SEMA3D: variants seen among roughly 807,000 people sequenced by gnomAD.
The protein encoded by SEMA3D is semaphorin 3D, also known as semaphorin-3D.
Under a neutral mutation model 100.1 loss-of-function variants are expected in SEMA3D, and 84 were observed. The ratio of observed to expected loss-of-function variants is 0.84; its 90% confidence interval spans 0.70 to 1.01. The LOEUF is 1.01. Among genes scored for constraint, SEMA3D ranks in the 50% least tolerant of loss-of-function variants. SEMA3D has a pLI of 0.00. For synonymous variants in SEMA3D, 312 were observed against 320.7 expected (o/e 0.97, Z 0.29); for missense variants, 875 against 934.1 (o/e 0.94, Z 0.82).
the SEMA3D span, among the ~76,000 whole-genome samples, chr7:85,233,145 G>A: frequency 1.3e-5 from 2 of 151,700 alleles, no homozygotes; most frequent in African/African-American, 4.9e-5. Context: ...TTATTTTGAG[G>A]AAATCATTTT....
intron 1 of SEMA3D, among the ~76,000 whole-genome samples, chr7:85,170,069 A>AAG (rs1003707496): frequency 1.9e-4 from 29 of 151,880 alleles, no homozygotes; most frequent in African/African-American, 6.3e-4. Context: ...GATTTAAAAA[A>AAG]AGAGAGAGCG....
intron 8 of SEMA3D, among the ~76,000 whole-genome samples, chr7:85,062,027 C>A (rs1427224581): frequency 6.6e-6 from 1 of 152,076 alleles, no homozygotes; most frequent in Non-Finnish European, 1.5e-5. Flanking sequence ...AGTGAGGCTG[C>A]AAAGAGCAGG....
At chr7:85,186,329 G>A (rs1791548148) in intron 1 of SEMA3D, among the ~76,000 whole-genome samples, 1 of 152,160 alleles carries the variant, frequency 6.6e-6, no homozygotes, top group African/African-American at 2.4e-5. Context: ...GGGGAACCAG[G>A]AAGCCAGGGA....
chr7:85,188,363 G>A (rs1453762827), upstream of SEMA3D, among the ~76,000 whole-genome samples: 6 of 152,086 alleles, frequency 3.9e-5, no homozygotes, highest in African/African-American at 1.4e-4. Flanking sequence ...TACCCTCTTT[G>A]GATAGAGAAA....
chr7:85,013,066 A>G (rs1007044236), intron 16 of SEMA3D, among the ~76,000 whole-genome samples: 1 of 151,850 alleles, frequency 6.6e-6, no homozygotes, highest in Non-Finnish European at 1.5e-5. Context: ...ATGAGATGAC[A>G]TGAATTTTAT....
At chr7:85,138,631 A>T (rs1789935923) in intron 2 of SEMA3D, among the ~76,000 whole-genome samples, 1 of 139,518 alleles carries the variant, frequency 7.2e-6, no homozygotes, top group African/African-American at 2.7e-5. Flanking sequence ...ATAATATATA[A>T]ATTAAATTAT....
At chr7:85,059,836 G>T (rs1791424216) in intron 8 of SEMA3D, among the ~76,000 whole-genome samples, 1 of 152,034 alleles carries the variant, frequency 6.6e-6, no homozygotes, top group Admixed American at 6.6e-5. Context: ...AGTGTAAAAG[G>T]GGTATAAATA....
chr7:85,029,980 G>A (rs2115904970), intron 12 of SEMA3D, among the ~76,000 whole-genome samples: 1 of 151,630 alleles, frequency 6.6e-6, no homozygotes, highest in East Asian at 2.0e-4. Context: ...CTCCACCCCT[G>A]AATAAAAAAA....
rs79448709 is a variant in SEMA3D at position 85,131,852 on chromosome 7, T to C, written c.-40-9921A>G. On this transcript the variant is annotated intron_variant, in intron 2 of 18. Transcript: ENST00000284136. ...CTAGTATTTAGTTTTACAACTAGTA[T>C]AGTATGGTTTAAAGGTGTAAAGTTT... is the stretch of plus-strand genomic sequence containing the variant. Among the ~76,000 whole-genome samples the C allele has an allele frequency of 6.6e-3, 1,002 of 152,008 alleles. 7 individuals carry two copies. The highest frequency in any genetic ancestry group is 0.022 in the African/African-American group (935 of 41,556).
the SEMA3D span, among the ~76,000 whole-genome samples, chr7:85,231,631 T>C: frequency 2.0e-5 from 3 of 152,016 alleles, no homozygotes; most frequent in Non-Finnish European, 4.4e-5. Flanking sequence ...TTTGTACTTT[T>C]AGTAGAGACA....
At chr7:85,237,380 C>T in the SEMA3D span, among the ~76,000 whole-genome samples, 9 of 152,128 alleles carry the variant, frequency 5.9e-5, no homozygotes. Flanking sequence ...GACTCCTATC[C>T]ACTGCTGTAG....
At chr7:85,125,039 T>A (rs909745637) in intron 2 of SEMA3D, among the ~76,000 whole-genome samples, 1 of 152,088 alleles carries the variant, frequency 6.6e-6, no homozygotes, top group Non-Finnish European at 1.5e-5. Context: ...AGCTGTGGCA[T>A]ACAAACATGT....
At chr7:85,142,266 A>G in intron 2 of SEMA3D, 1 of 981,500 alleles carries the variant, frequency 1.0e-6, no homozygotes, top group South Asian at 4.7e-5. Context: ...TTGAACCAAC[A>G]ATATCTAGTA....
the SEMA3D span, among the ~76,000 whole-genome samples, chr7:85,199,390 T>C: frequency 3.3e-5 from 5 of 152,170 alleles, no homozygotes; most frequent in Non-Finnish European, 7.4e-5. Flanking sequence ...TTAGTGTTTT[T>C]CAGTTTCCTT....
At chr7:85,058,175 T>A (rs1353772525) in intron 8 of SEMA3D, among the ~76,000 whole-genome samples, 1 of 152,192 alleles carries the variant, frequency 6.6e-6, no homozygotes, top group Non-Finnish European at 1.5e-5. Flanking sequence ...TTCAATGGAC[T>A]TTTATATTCT....
At chr7:85,202,968 T>C in the SEMA3D span, among the ~76,000 whole-genome samples, 3 of 152,326 alleles carry the variant, frequency 2.0e-5, no homozygotes, top group African/African-American at 4.8e-5. Context: ...TGAGGTCTAA[T>C]ACCAAATTGA....
chr7:85,042,116 G>C (rs1790880933), intron 10 of SEMA3D, 55 bp downstream of exon 10: 7 of 1,182,252 alleles, frequency 5.9e-6, no homozygotes. Context: ...TAAATGCCAA[G>C]TTACTTAATT....
At chr7:85,102,819 A>G (rs1788790008) in intron 3 of SEMA3D, among the ~76,000 whole-genome samples, 1 of 151,976 alleles carries the variant, frequency 6.6e-6, no homozygotes, top group Admixed American at 6.6e-5. Context: ...AAATAAATAT[A>G]AAGTTGATAT....
At chr7:85,098,524 T>G (rs971333747) in intron 3 of SEMA3D, among the ~76,000 whole-genome samples, 3 of 151,784 alleles carry the variant, frequency 2.0e-5, no homozygotes, top group African/African-American at 7.3e-5. Context: ...AAAATACACT[T>G]TTTTTGGAGC....
Sources: gnomAD v4.1 joint callset for allele counts (sites outside exome capture counted in the v4.1 genomes callset) on GRCh38, gnomAD v4.1.1 for gene constraint, MANE v1.5 for transcripts, NCBI Gene and HGNC (gene_info 2026-07-23, HGNC 2026-07-21) for gene names.